Variants in PPP6R3 observed in about 807,000 individuals in gnomAD.
PPP6R3 encodes the protein protein phosphatase 6 regulatory subunit 3.
Under a neutral mutation model 110.7 loss-of-function variants are expected in PPP6R3, and 38 were observed. The ratio of observed to expected loss-of-function variants is 0.34; its 90% CI spans 0.26 to 0.45. PPP6R3 has a LOEUF of 0.45. Among genes scored for constraint, PPP6R3 ranks in the 20% least tolerant of loss-of-function variants. PPP6R3 has a pLI of 1.00. For synonymous variants in PPP6R3, 369 were observed against 373.5 expected, an observed-to-expected ratio of 0.99 and a Z score of 0.14; for missense variants, 870 against 1,062.4, an observed-to-expected ratio of 0.82 and a Z score of 2.52.
intron 1 of PPP6R3, among the ~76,000 whole-genome samples, chr11:68,461,725 C>G (rs1187922963): frequency 6.6e-6 from 1 of 152,082 alleles, no homozygotes; most frequent in African/African-American, 2.4e-5. Flanking sequence ...CTCTGTGGGG[C>G]TTTGGGTCTG....
At chr11:68,602,011 C>T (rs2099633353) in intron 21 of PPP6R3, 42 bp downstream of exon 21, 1 of 1,488,574 alleles carries the variant, frequency 6.7e-7, no homozygotes, top group Non-Finnish European at 9.2e-7. Flanking sequence ...GGTCACGTGG[C>T]TGCTTTGTCA....
At chr11:68,611,170 T>C (rs540493724) in intron 23 of PPP6R3, among the ~76,000 whole-genome samples, 59 of 152,154 alleles carry the variant, frequency 3.9e-4, no homozygotes, top group African/African-American at 1.3e-3. Flanking sequence ...GTCACTCTCT[T>C]TCTTGGGGTT....
At chr11:68,587,361 G>A (rs190951539) in intron 15 of PPP6R3, 378 of 155,470 alleles carry the variant, frequency 2.4e-3, no homozygotes, top group Non-Finnish European at 2.8e-3. Context: ...AATTATTTTC[G>A]TTTTATATTC....
chr11:68,504,289 A>T (rs963718645), intron 1 of PPP6R3, among the ~76,000 whole-genome samples: 2 of 151,930 alleles, frequency 1.3e-5, no homozygotes, highest in African/African-American at 4.8e-5. Flanking sequence ...ATTTTTCAAG[A>T]TTGAGAAATA....
At chr11:68,532,594 A>G (rs1267530287) in intron 2 of PPP6R3, among the ~76,000 whole-genome samples, 1 of 152,224 alleles carries the variant, frequency 6.6e-6, no homozygotes, top group African/African-American at 2.4e-5. Flanking sequence ...CAGTGCTCCC[A>G]TAAGATTATA....
intron 23 of PPP6R3, among the ~76,000 whole-genome samples, chr11:68,612,052 G>T (rs541859853): frequency 6.6e-6 from 1 of 152,336 alleles, no homozygotes; most frequent in African/African-American, 2.4e-5. Context: ...GTGAAGCCCT[G>T]TGGGGCGTGG....
intron 1 of PPP6R3, among the ~76,000 whole-genome samples, chr11:68,463,864 GCTTGTTACA>G (rs2098726332): frequency 6.6e-6 from 1 of 152,028 alleles, no homozygotes; most frequent in Non-Finnish European, 1.5e-5. Flanking sequence ...ACATATTTTT[GCTTGTTACA>G]CCTCTGGGAG....
chr11:68,501,827 C>T (rs2099050364), intron 1 of PPP6R3, among the ~76,000 whole-genome samples: 1 of 152,178 alleles, frequency 6.6e-6, no homozygotes, highest in Non-Finnish European at 1.5e-5. Flanking sequence ...GGTGCCTACC[C>T]GGTGCCAGTC....
rs113529943 is a variant in PPP6R3, at chr11:68,468,563, G to A, written c.-158+7736G>A. 4.1e-3 allele frequency among the ~76,000 whole-genome samples: 631 copies of A among 152,308 alleles called. 2 individuals are homozygous for A. Among genetic ancestry groups the A allele is most frequent in the African/African-American group, 0.015 (604 of 41,550 alleles). On this transcript the variant is annotated intron_variant, in intron 1 of 23. Coordinates refer to ENST00000393800, the MANE Select transcript of PPP6R3 (RefSeq NM_001164161.2). ...ACAAAAGTACAGAAACACCTCCAAG[G>A]TGCAGTGAATGATCTCAAGGAGAGA...
At position 68,614,194 on chromosome 11, in the gene PPP6R3, G is replaced by GT. The variant is rs1372266433; in HGVS notation, c.*1081dup. 3.0e-6 allele frequency: 3 copies of GT among 988,676 alleles called. No homozygotes were observed. Among genetic ancestry groups the GT allele is most frequent in the Admixed American group, 1.2e-4 (2 of 16,314 alleles). 61.2% of individuals were successfully genotyped at this position (988,676 alleles called of 1,614,324 possible). A position where few individuals can be genotyped will look rare whatever the true frequency, so the allele number is the denominator to read the frequency against. ...CTAATTGTTTACTGTACCTTGTGAGGTTTTCACTCATAAATTTAAACCAGT... is the reference window on the plus strand; with the variant it reads ...CTAATTGTTTACTGTACCTTGTGAGGTTTTTCACTCATAAATTTAAACCAGT... On this transcript the variant is annotated 3_prime_UTR_variant, in exon 24 of 24. Transcript: ENST00000393800.
intron 7 of PPP6R3, among the ~76,000 whole-genome samples, 192 bp downstream of exon 7, chr11:68,554,449 C>T (rs886581647): frequency 6.6e-6 from 1 of 152,120 alleles, no homozygotes; most frequent in African/African-American, 2.4e-5. Flanking sequence ...AGATAAATGA[C>T]ATTTATATCT....
At chr11:68,486,590 C>T (rs1329822981) in intron 1 of PPP6R3, among the ~76,000 whole-genome samples, 1 of 125,456 alleles carries the variant, frequency 8.0e-6, no homozygotes, top group Admixed American at 9.6e-5. Context: ...GGCGACAGAG[C>T]AAGACTCTGT....
At chr11:68,554,040 C>A (rs1220620686) in intron 6 of PPP6R3, 105 bp from the exon 7 acceptor site, 3 of 806,928 alleles carry the variant, frequency 3.7e-6, no homozygotes, top group Non-Finnish European at 5.8e-6. Context: ...AAGCTTATGG[C>A]CAGTGTTAAT....
chr11:68,476,756 C>T (rs1028925438), intron 1 of PPP6R3, among the ~76,000 whole-genome samples: 8 of 152,082 alleles, frequency 5.3e-5, no homozygotes, highest in African/African-American at 1.7e-4. Context: ...GGTGTGATGG[C>T]TCACACCTGT....
chr11:68,537,260 T>C (rs2099275806), intron 2 of PPP6R3, among the ~76,000 whole-genome samples: 1 of 152,218 alleles, frequency 6.6e-6, no homozygotes, highest in Admixed American at 6.5e-5. Flanking sequence ...TTCTTTAGTC[T>C]TCTGAAGCCT....
intron 22 of PPP6R3, among the ~76,000 whole-genome samples, chr11:68,608,545 G>T (rs1253606359): frequency 6.6e-6 from 1 of 152,178 alleles, no homozygotes; most frequent in Non-Finnish European, 1.5e-5. Context: ...TCACTCCTGG[G>T]TGTCAAGTAC....
intron 1 of PPP6R3, among the ~76,000 whole-genome samples, chr11:68,491,638 C>A (rs879468968): frequency 9.2e-5 from 14 of 152,078 alleles, no homozygotes; most frequent in Non-Finnish European, 1.6e-4. Flanking sequence ...GTGTGAGCCA[C>A]CAGTCCCAGC....
intron 3 of PPP6R3, among the ~76,000 whole-genome samples, chr11:68,538,948 C>T (rs766767083): frequency 1.3e-5 from 2 of 152,084 alleles, no homozygotes; most frequent in Non-Finnish European, 2.9e-5. Context: ...GGTGAAACCC[C>T]GAGTCTACTA....
chr11:68,467,314 CAT>C (rs1296976377), intron 1 of PPP6R3, among the ~76,000 whole-genome samples: 26 of 152,276 alleles, frequency 1.7e-4, no homozygotes, highest in African/African-American at 5.5e-4. Flanking sequence ...AGTGGAAATA[CAT>C]AGTGACTTGA....
Sources: allele counts gnomAD v4.1 joint callset (sites outside exome capture counted in the v4.1 genomes callset), GRCh38; gene constraint gnomAD v4.1.1; transcripts MANE v1.5; gene names NCBI Gene and HGNC (gene_info 2026-07-23, HGNC 2026-07-21).